BAZ2A: variants seen among roughly 807,000 people sequenced by gnomAD.
BAZ2A encodes bromodomain adjacent to zinc finger domain protein 2A.
A neutral mutation model predicts 199.9 loss-of-function variants in BAZ2A; 34 were observed. That is an observed-to-expected ratio of 0.17 (90% CI 0.13 to 0.23). The LOEUF (loss-of-function observed/expected upper bound fraction) is 0.23. BAZ2A is among the 10% of genes least tolerant of loss of function. BAZ2A has a pLI of 1.00. For missense variants in BAZ2A, 2,002 were observed against 2,391.1 expected (o/e 0.84, Z 3.39); for synonymous variants, 857 against 883.9 (o/e 0.97, Z 0.54).
chr12:56,617,980 T>A (rs1950777697), intron 1 of BAZ2A, among the ~76,000 whole-genome samples: 1 of 152,214 alleles, frequency 6.6e-6, no homozygotes, highest in Non-Finnish European at 1.5e-5. Flanking sequence ...AAAAGCATAT[T>A]TGATAAACAC....
At chr12:56,601,519 T>G in intron 20 of BAZ2A, 27 bp downstream of exon 20, 6 of 1,606,078 alleles carry the variant, frequency 3.7e-6, no homozygotes, top group Non-Finnish European at 5.1e-6. Context: ...TGAAATCAAG[T>G]GCATACTACT....
At chr12:56,633,093 G>A (rs959043686), upstream of BAZ2A, among the ~76,000 whole-genome samples, 3 of 152,132 alleles carry the variant, frequency 2.0e-5, no homozygotes, top group Admixed American at 1.3e-4. Flanking sequence ...AGCCAGGCCA[G>A]TGGACTAGTC....
At position 56,615,307 on chromosome 12, in the gene BAZ2A, T is replaced by A. The variant is rs751325127; in HGVS notation, c.437A>T (p.Glu146Val). The A allele has an allele frequency of 3.7e-6, 6 of 1,613,946 alleles. No individual in the cohort carries two copies. The highest frequency in any genetic ancestry group is 5.1e-6 in the Non-Finnish European group (6 of 1,179,880). The change falls in exon 3 of 29, where the codon GAG becomes GTG. Residue 146 changes from glutamate to valine, a missense_variant. By Grantham distance (121) the Glu-to-Val change is moderately radical. Coordinates refer to ENST00000549884, the MANE Select transcript of BAZ2A (RefSeq NM_001300905.2). ...ACTCTGGGTACCGTTGGCCCAGAAC[T>A]CTTGGCTCCCAGCCCGAAGGTTAGT... ...HNTNLRAGSQ[E>V]FWANGTQSPM...
chr12:56,625,052 A>C (rs1452686948), intron 1 of BAZ2A, among the ~76,000 whole-genome samples: 1 of 152,168 alleles, frequency 6.6e-6, no homozygotes, highest in African/African-American at 2.4e-5. Context: ...TACTCTCAGA[A>C]GACCAGGAAT....
At chr12:56,600,620 C>T (rs779511159) in intron 23 of BAZ2A, 61 bp downstream of exon 23, 13 of 1,575,298 alleles carry the variant, frequency 8.3e-6, no homozygotes, top group Non-Finnish European at 1.1e-5. Flanking sequence ...TTTTTTCTAA[C>T]AGGGCATAAG....
intron 16 of BAZ2A, among the ~76,000 whole-genome samples, chr12:56,603,975 C>T (rs1013338900): frequency 2.6e-5 from 4 of 151,878 alleles, no homozygotes; most frequent in South Asian, 4.2e-4. Flanking sequence ...ATTGCGCTAT[C>T]GCATTCCAGC....
At chr12:56,625,594 T>C (rs1951063115) in intron 1 of BAZ2A, among the ~76,000 whole-genome samples, 1 of 152,082 alleles carries the variant, frequency 6.6e-6, no homozygotes. Flanking sequence ...ACCATCTATC[T>C]TTTAAAAACT....
intron 1 of BAZ2A, among the ~76,000 whole-genome samples, chr12:56,624,897 A>G (rs2137274800): frequency 6.6e-6 from 1 of 152,308 alleles, no homozygotes; most frequent in East Asian, 1.9e-4. Context: ...TTTCAACCAA[A>G]TAAAAAAATA....
chr12:56,628,293 A>G (rs1951179048), intron 1 of BAZ2A, among the ~76,000 whole-genome samples: 1 of 152,032 alleles, frequency 6.6e-6, no homozygotes, highest in Non-Finnish European at 1.5e-5. Flanking sequence ...GTGTGCCACA[A>G]AATGCCTGGG....
upstream of BAZ2A, among the ~76,000 whole-genome samples, chr12:56,635,257 G>A (rs190226534): frequency 6.6e-6 from 1 of 152,230 alleles, no homozygotes; most frequent in African/African-American, 2.4e-5. The surrounding 1 kb of genome is among the most constrained non-coding windows in gnomAD (Gnocchi z 4.1). Flanking sequence ...GATGGTGGTA[G>A]GTCCGAAAGG....
chr12:56,604,541 T>C, intron 15 of BAZ2A, 44 bp downstream of exon 15: 1 of 1,523,284 alleles, frequency 6.6e-7, no homozygotes, highest in Non-Finnish European at 8.9e-7. Context: ...CACCCCATTC[T>C]GATGCAAGGG....
chr12:56,599,468 G>A, intron 26 of BAZ2A, 110 bp from the exon 27 acceptor site: 2 of 1,331,030 alleles, frequency 1.5e-6, no homozygotes, highest in East Asian at 2.5e-5. Context: ...TCATGCATAA[G>A]CCGGCATTGG....
At position 56,630,151 on chromosome 12, in the gene BAZ2A, C is replaced by T. The variant is rs1951258719; in HGVS notation, c.-29G>A. 1.0e-6 allele frequency: 1 copy of T among 985,562 alleles called. No homozygotes were observed. The highest frequency in any genetic ancestry group is 1.2e-6 in the Non-Finnish European group (1 of 830,008). The allele number at this position is 985,562 out of a possible 1,614,324, so 61.1% of individuals were successfully genotyped here. Reference sequence around the variant, plus strand: ...TGAGGCAGCGGCGTCCAGCCGGGCTCGGGGCTCGTCTCTCCCCGGGGTACA... The same window carrying T: ...TGAGGCAGCGGCGTCCAGCCGGGCTTGGGGCTCGTCTCTCCCCGGGGTACA... On this transcript the variant is annotated 5_prime_UTR_variant, in exon 1 of 29. Coordinates refer to ENST00000549884, the MANE Select transcript of BAZ2A (RefSeq NM_001300905.2).
In BAZ2A at chr12:56,609,941, C is replaced by G. The variant is rs143535206; in HGVS notation, c.1887G>C (p.Leu629Phe). The G allele has an allele frequency of 6.2e-7, 1 of 1,612,108 alleles. No homozygotes were observed. The highest frequency in any genetic ancestry group is 8.5e-7 in the Non-Finnish European group (1 of 1,179,650). Residue 629 changes from leucine to phenylalanine, a missense_variant, in exon 10 of 29, where the codon TTG becomes TTC. Transcript: ENST00000549884. Reference protein sequence around the residue: ...FFEERDTPEGLQWVQLSAEEI... With the variant: ...FFEERDTPEGFQWVQLSAEEI... ...CCTCTGCTGAGAGCTGCACCCACTG[C>G]AAGCCCTAAGGTAGCAAGGGAGACT...
chr12:56,604,981 A>C, intron 14 of BAZ2A, 92 bp downstream of exon 14: 1 of 1,485,708 alleles, frequency 6.7e-7, no homozygotes, highest in Non-Finnish European at 9.0e-7. Context: ...TCAGGAAGAA[A>C]AAGAAATGGA....
chr12:56,612,307 G>T (rs879146732), intron 5 of BAZ2A, 61 bp from the exon 6 acceptor site: 3 of 1,422,922 alleles, frequency 2.1e-6, no homozygotes, highest in Non-Finnish European at 1.9e-6. Context: ...TAAAACAAGA[G>T]AATCTACTCA....
chr12:56,602,420 G>A (rs1191746107), intron 19 of BAZ2A, among the ~76,000 whole-genome samples: 2 of 152,144 alleles, frequency 1.3e-5, no homozygotes, highest in Non-Finnish European at 2.9e-5. Flanking sequence ...CATTTATTGC[G>A]AAACAACTAC....
At chr12:56,617,595 A>G (rs1950764203) in intron 1 of BAZ2A, 63 bp from the exon 2 acceptor site, 1 of 1,514,356 alleles carries the variant, frequency 6.6e-7, no homozygotes, top group African/African-American at 1.4e-5. Context: ...TGTCACCTGG[A>G]ATCTTCCAGG....
chr12:56,619,666 T>C (rs760112593), intron 1 of BAZ2A, among the ~76,000 whole-genome samples: 7 of 152,116 alleles, frequency 4.6e-5, no homozygotes, highest in Non-Finnish European at 8.8e-5. Flanking sequence ...AAACCCTGCA[T>C]AGTATGTGGG....
Sources: allele counts gnomAD v4.1 joint callset (sites outside exome capture counted in the v4.1 genomes callset), GRCh38; gene constraint gnomAD v4.1.1; non-coding constraint Gnocchi (gnomAD v3.1); transcripts MANE v1.5; gene names NCBI Gene and HGNC (gene_info 2026-07-23, HGNC 2026-07-21).